BST1: variants seen among roughly 807,000 people sequenced by gnomAD.
BST1 encodes the protein bone marrow stromal cell antigen 1, also known as ADP-ribosyl cyclase/cyclic ADP-ribose hydrolase 2.
A neutral mutation model predicts 40.6 loss-of-function variants in BST1; 49 were observed. The observed-to-expected ratio is 1.21, with a 90% confidence interval of 0.96 to 1.53. BST1 has a LOEUF of 1.53. Ranked by LOEUF, BST1 falls within the 40% of genes most tolerant of loss-of-function variation. The pLI, the probability that BST1 is intolerant of heterozygous loss-of-function variation, is 0.00. For synonymous variants in BST1, 157 were observed against 159.3 expected, an observed-to-expected ratio of 0.99 and a Z score of 0.11; for missense variants, 423 against 395.9, an observed-to-expected ratio of 1.07 and a Z score of -0.58.
In BST1 at chr4:15,731,869, C is replaced by G; in HGVS notation, c.*24C>G. ...AACTGGAAACTGTGTTGCTCTAACC[C>G]TCCTCCAGCCCTGCAGCCTCCCCTT... On this transcript the variant is annotated 3_prime_UTR_variant, in exon 9 of 9. Coordinates refer to ENST00000265016, the MANE Select transcript of BST1 (RefSeq NM_004334.3). 6.2e-7 allele frequency: 1 copy of G among 1,603,370 alleles called. No homozygotes were observed. Among genetic ancestry groups the G allele is most frequent in the Non-Finnish European group, 8.5e-7 (1 of 1,174,464 alleles).
At chr4:15,729,521 T>C (rs1721277140) in intron 8 of BST1, among the ~76,000 whole-genome samples, 1 of 152,122 alleles carries the variant, frequency 6.6e-6, no homozygotes, top group South Asian at 2.1e-4. Context: ...TCACAGGAAT[T>C]AAGTAAGTGT....
chr4:15,726,803 G>A (rs929186593), intron 8 of BST1, among the ~76,000 whole-genome samples: 2 of 151,884 alleles, frequency 1.3e-5, no homozygotes, highest in African/African-American at 4.8e-5. Flanking sequence ...CCAGTGCCTT[G>A]GGTTAGCTCC....
downstream of BST1, among the ~76,000 whole-genome samples, chr4:15,736,417 C>G (rs1407546527): frequency 6.6e-6 from 1 of 152,008 alleles, no homozygotes; most frequent in Non-Finnish European, 1.5e-5. Context: ...GTCAGGAGCC[C>G]TGGACAACAT....
intron 8 of BST1, chr4:15,731,345 G>C (rs1721363133): frequency 2.0e-6 from 1 of 501,498 alleles, no homozygotes; most frequent in Non-Finnish European, 3.6e-6. Flanking sequence ...TCTTATTCTT[G>C]TTGAGTTTTT....
intron 6 of BST1, among the ~76,000 whole-genome samples, chr4:15,718,244 AGTGTGTGT>A (rs35788103): frequency 3.4e-5 from 5 of 149,054 alleles, no homozygotes; most frequent in Admixed American, 2.0e-4. Flanking sequence ...ATGGCAGAGA[AGTGTGTGT>A]GTGTGTGTGT....
At chr4:15,766,827 A>G in the BST1 span, among the ~76,000 whole-genome samples, 1 of 151,426 alleles carries the variant, frequency 6.6e-6, no homozygotes, top group Admixed American at 6.6e-5. Flanking sequence ...CTAAAAAAAA[A>G]ACAGGTTAAC....
At chr4:15,733,298 CAG>C (rs1305034049), downstream of BST1, among the ~76,000 whole-genome samples, 1 of 151,694 alleles carries the variant, frequency 6.6e-6, no homozygotes, top group African/African-American at 2.4e-5. Flanking sequence ...TAGCCGGACA[CAG>C]AGTGCTGACT....
At chr4:15,721,105 G>A (rs377518037) in intron 7 of BST1, among the ~76,000 whole-genome samples, 1 of 152,082 alleles carries the variant, frequency 6.6e-6, no homozygotes, top group African/African-American at 2.4e-5. Flanking sequence ...TTTCTTTATT[G>A]CCCATAGGCT....
chr4:15,750,661 A>G, the BST1 span, among the ~76,000 whole-genome samples: 1 of 152,232 alleles, frequency 6.6e-6, no homozygotes, highest in South Asian at 2.1e-4. Context: ...AATGAACACC[A>G]TATTTCAAAG....
At chr4:15,724,704 A>AAGAGAG (rs57896911) in intron 8 of BST1, among the ~76,000 whole-genome samples, 7 of 150,454 alleles carry the variant, frequency 4.7e-5, no homozygotes, top group East Asian at 3.9e-4. Context: ...AAAATAAAAT[A>AAGAGAG]AGAGAGAGAG....
intron 6 of BST1, among the ~76,000 whole-genome samples, chr4:15,718,541 G>C (rs1044173784): frequency 2.6e-5 from 4 of 152,182 alleles, no homozygotes; most frequent in Non-Finnish European, 4.4e-5. Context: ...ATATACTGTA[G>C]TGTAGGGTGA....
At chr4:15,751,019 A>G in the BST1 span, among the ~76,000 whole-genome samples, 4 of 152,202 alleles carry the variant, frequency 2.6e-5, no homozygotes, top group African/African-American at 9.7e-5. Context: ...CTCTCAGCCT[A>G]GTGTTTGGAG....
chr4:15,747,319 G>C, the BST1 span, among the ~76,000 whole-genome samples: 4 of 152,200 alleles, frequency 2.6e-5, no homozygotes, highest in Non-Finnish European at 5.9e-5. Flanking sequence ...TCAGGCCCCT[G>C]TTTGCCATGC....
chr4:15,737,899 G>C (rs1366923688), exon 7 of BST1: 1 of 1,037,202 alleles, frequency 9.6e-7, no homozygotes, highest in African/African-American at 1.7e-5. Flanking sequence ...TCTGGCAAGA[G>C]TTGAGTCAAT....
At chr4:15,704,453 GAT>G (rs1719764505) in intron 1 of BST1, among the ~76,000 whole-genome samples, 1 of 146,320 alleles carries the variant, frequency 6.8e-6, no homozygotes, top group South Asian at 2.2e-4. Flanking sequence ...CTAGAGGTGA[GAT>G]GTGTGTGTGT....
chr4:15,711,920 G>A, intron 4 of BST1, 31 bp downstream of exon 4: 1 of 1,576,582 alleles, frequency 6.3e-7, no homozygotes, highest in Non-Finnish European at 8.7e-7. Flanking sequence ...GAGTGGTTGA[G>A]CATGTGTGGG....
At chr4:15,737,330 C>G (rs73798698), downstream of BST1, among the ~76,000 whole-genome samples, 193 of 152,342 alleles carry the variant, frequency 1.3e-3, no homozygotes, top group African/African-American at 4.5e-3. Context: ...TGGCCCCTTT[C>G]AATCCTCACT....
At chr4:15,713,249 G>A (rs541057245) in intron 4 of BST1, among the ~76,000 whole-genome samples, 3 of 128,168 alleles carry the variant, frequency 2.3e-5, no homozygotes, top group South Asian at 2.4e-4. Flanking sequence ...TCGCTCTGTC[G>A]ATCTTGGCTC....
chr4:15,725,397 C>A (rs1458853822), intron 8 of BST1, among the ~76,000 whole-genome samples: 1 of 152,188 alleles, frequency 6.6e-6, no homozygotes, highest in Non-Finnish European at 1.5e-5. Context: ...TCTCCTCATT[C>A]TTTAATGCTA....
Sources: allele counts gnomAD v4.1 joint callset (sites outside exome capture counted in the v4.1 genomes callset), GRCh38; gene constraint gnomAD v4.1.1; transcripts MANE v1.5; gene names NCBI Gene and HGNC (gene_info 2026-07-23, HGNC 2026-07-21).